The following TSNARE1 variants were observed in gnomAD, a reference collection of about 807,000 sequenced individuals.
The protein encoded by TSNARE1 is t-SNARE domain containing 1.
TSNARE1 carries 49 observed loss-of-function variants against 62.0 expected under a neutral mutation model. The observed-to-expected ratio is 0.79, with a 90% CI of 0.63 to 1.00. TSNARE1 has a LOEUF of 1.00. TSNARE1 is among the 50% of genes least tolerant of loss of function. The pLI is 0.00. For missense variants in TSNARE1, 755 were observed against 700.1 expected (o/e 1.08, Z -0.88); for synonymous variants, 328 against 294.4 (o/e 1.11, Z -1.17).
intron 9 of TSNARE1, among the ~76,000 whole-genome samples, chr8:142,302,863 G>A (rs1412272124): frequency 3.3e-5 from 5 of 152,156 alleles, no homozygotes; most frequent in Non-Finnish European, 5.9e-5. Context: ...GCTGGCCTCC[G>A]CTGTGCCTAG....
At chr8:142,354,498 A>T in intron 2 of TSNARE1, 139 bp downstream of exon 2, 1 of 621,724 alleles carries the variant, frequency 1.6e-6, no homozygotes, top group South Asian at 2.1e-5. Context: ...CTCAGGAATC[A>T]CACCCCATCT....
chr8:142,382,349 G>A (rs1048903430), intron 1 of TSNARE1, among the ~76,000 whole-genome samples: 3 of 152,184 alleles, frequency 2.0e-5, no homozygotes, highest in African/African-American at 7.2e-5. Context: ...TGGGCGGTCA[G>A]AACACCAGCA....
intron 1 of TSNARE1, among the ~76,000 whole-genome samples, chr8:142,377,370 A>G (rs953850265): frequency 9.9e-5 from 15 of 152,166 alleles, no homozygotes; most frequent in Admixed American, 2.0e-4. Context: ...AAAAGCTTCT[A>G]TAAGTTAAAA....
rs541399340 is a variant in TSNARE1 at position 142,253,323 on chromosome 8, G to A, written c.1446+21458C>T. 5.0e-3 allele frequency among the ~76,000 whole-genome samples: 755 copies of A among 152,330 alleles called. 2 individuals are homozygous for A. Among genetic ancestry groups the A allele is most frequent in the Non-Finnish European group, 8.1e-3 (554 of 68,020 alleles). ...AGGCACAGGCCAGCGTGCGTGCCGC[G>A]TCTGCACAGGGTCAGAGGGCCCAGT... is the stretch of plus-strand genomic sequence containing the variant. On this transcript the variant is annotated intron_variant, in intron 12 of 13. Coordinates refer to ENST00000524325, the MANE Select transcript of TSNARE1 (RefSeq NM_145003.5).
At chr8:142,270,480 GCA>G in intron 12 of TSNARE1, 5 of 839,462 alleles carry the variant, frequency 6.0e-6, no homozygotes, top group Non-Finnish European at 4.1e-6. Context: ...TAATATATAG[GCA>G]TATATATATA....
At chr8:142,402,465 G>A (rs1179806579) in intron 1 of TSNARE1, among the ~76,000 whole-genome samples, 1 of 152,270 alleles carries the variant, frequency 6.6e-6, no homozygotes, top group Non-Finnish European at 1.5e-5. Context: ...AGCAGGAGGA[G>A]TGCGCCATGA....
chr8:142,306,521 G>C (rs1184017634), intron 9 of TSNARE1, among the ~76,000 whole-genome samples: 3 of 152,156 alleles, frequency 2.0e-5, no homozygotes, highest in African/African-American at 7.2e-5. Flanking sequence ...TGAAAACTAC[G>C]GACCACAGCC....
At chr8:142,315,508 C>A (rs1321685431) in intron 7 of TSNARE1, among the ~76,000 whole-genome samples, 1 of 152,260 alleles carries the variant, frequency 6.6e-6, no homozygotes, top group Non-Finnish European at 1.5e-5. Flanking sequence ...TCTGGGCTCC[C>A]CGTGGCCTCC....
chr8:142,309,970 T>TA (rs148879667), intron 9 of TSNARE1, among the ~76,000 whole-genome samples: 29,267 of 151,262 alleles, frequency 0.19, 3,328 homozygotes, highest in South Asian at 0.29. Flanking sequence ...AATTGTTTTC[T>TA]AAAAAAAAAG....
chr8:142,278,553 TGAG>T lies in TSNARE1; in HGVS notation c.1364-3693_1364-3691del, dbSNP rs532447901. ...CGAAGGAGCTCCTGGCACGGTGTCT[TGAG>T]GAGGAGAGGAGGTGCGGTGGGAGGA... On this transcript the variant is annotated intron_variant, in intron 11 of 13. Transcript: ENST00000524325. The T allele has an allele frequency of 4.7e-5, 46 of 985,110 alleles. No homozygotes were observed. The African/African-American group carries it at 7.7e-4, about 16-fold the overall frequency. The allele number at this position is 985,110 out of a possible 1,614,324, so 61.0% of individuals were successfully genotyped here. A position where few individuals can be genotyped will look rare whatever the true frequency, so the allele number is the denominator to read the frequency against.
At chr8:142,266,798 C>T (rs4578081) in intron 12 of TSNARE1, among the ~76,000 whole-genome samples, 41,306 of 152,056 alleles carry the variant, frequency 0.27, 7,878 homozygotes, top group African/African-American at 0.54. Context: ...CCTCCTCTTC[C>T]GGGACTCCAA....
chr8:142,223,309 T>TTCACTCATTCACTCACTCACTCATTCAC (rs1563757253), intron 13 of TSNARE1, among the ~76,000 whole-genome samples: 1 of 12,282 alleles, frequency 8.1e-5, no homozygotes, highest in African/African-American at 3.4e-4. Flanking sequence ...CACTCACTCA[T>TTCACTCATTCACTCACTCACTCATTCAC]TCACTCACTC....
intron 1 of TSNARE1, among the ~76,000 whole-genome samples, chr8:142,373,234 T>C (rs1297232643): frequency 1.3e-5 from 2 of 152,114 alleles, no homozygotes; most frequent in Admixed American, 1.3e-4. Context: ...AAGAAAACCA[T>C]CTGGTCTGTG....
chr8:142,334,775 T>C (rs1276724161), intron 4 of TSNARE1, among the ~76,000 whole-genome samples: 1 of 152,186 alleles, frequency 6.6e-6, no homozygotes, highest in Non-Finnish European at 1.5e-5. Flanking sequence ...CTGTGGAAGC[T>C]GAAAGACAAT....
intron 12 of TSNARE1, among the ~76,000 whole-genome samples, chr8:142,254,277 C>T (rs1818319084): frequency 6.6e-6 from 1 of 152,208 alleles, no homozygotes; most frequent in East Asian, 1.9e-4. Context: ...TTCCCCAGTG[C>T]CCCGTGGGGC....
At chr8:142,325,641 A>G (rs1328889214) in intron 6 of TSNARE1, among the ~76,000 whole-genome samples, 1 of 152,100 alleles carries the variant, frequency 6.6e-6, no homozygotes, top group Non-Finnish European at 1.5e-5. Flanking sequence ...TCAGTCCAGA[A>G]GGACCCTAAG....
intron 2 of TSNARE1, among the ~76,000 whole-genome samples, chr8:142,349,090 G>A (rs1414059820): frequency 6.6e-6 from 1 of 152,192 alleles, no homozygotes; most frequent in Non-Finnish European, 1.5e-5. Context: ...GAGCAAAGGA[G>A]GCACTGAGCC....
Position 142,342,593 on chromosome 8 carries a change from C to T in TSNARE1, c.745+1373G>A, listed in dbSNP as rs114009774. On this transcript the variant is annotated intron_variant, in intron 4 of 13. Coordinates refer to ENST00000524325, the MANE Select transcript of TSNARE1 (RefSeq NM_145003.5). ...ATCCAGTGCAGGAACCAGGCTGCCG[C>T]CCTCCTCTTCCAGATCTCCTATAGC... Among the ~76,000 whole-genome samples, 915 of 152,328 alleles carry T rather than the reference C, an allele frequency of 6.0e-3. 10 individuals are homozygous for T. The highest frequency in any genetic ancestry group is 0.021 in the African/African-American group (858 of 41,568).
At chr8:142,325,918 G>C (rs1370796790) in intron 6 of TSNARE1, 1 of 167,346 alleles carries the variant, frequency 6.0e-6, no homozygotes, top group South Asian at 1.3e-4. Flanking sequence ...CCAGCGAAGG[G>C]GAGGGCCCCG....
Sources: allele counts gnomAD v4.1 joint callset (sites outside exome capture counted in the v4.1 genomes callset), GRCh38; gene constraint gnomAD v4.1.1; transcripts MANE v1.5; gene names NCBI Gene and HGNC (gene_info 2026-07-23, HGNC 2026-07-21).